Variants in CREB5 observed in about 807,000 individuals in gnomAD.
The protein encoded by CREB5 is cAMP responsive element binding protein 5.
CREB5 carries 19 observed loss-of-function variants against 57.1 expected under a neutral mutation model. The ratio of observed to expected loss-of-function variants is 0.33; its 90% CI spans 0.23 to 0.49. CREB5 has a LOEUF of 0.49. CREB5 is among the 20% of genes least tolerant of loss of function. CREB5 has a pLI of 0.99. For synonymous variants in CREB5, 238 were observed against 238.3 expected, an observed-to-expected ratio of 1.00 and a Z score of 0.01; for missense variants, 579 against 671.6, an observed-to-expected ratio of 0.86 and a Z score of 1.52.
intron 2 of CREB5, among the ~76,000 whole-genome samples, chr7:28,492,753 T>C (rs944297535): frequency 1.1e-4 from 16 of 148,618 alleles, no homozygotes; most frequent in African/African-American, 2.9e-4. Flanking sequence ...TAAAATATAG[T>C]GTATATATAA....
intron 7 of CREB5, among the ~76,000 whole-genome samples, chr7:28,779,481 C>G (rs1022840575): frequency 1.3e-5 from 2 of 152,166 alleles, no homozygotes; most frequent in Admixed American, 1.3e-4. Flanking sequence ...CATGCTGCCT[C>G]CCTCATCCAG....
At chr7:28,395,484 C>G (rs1050499981) in intron 1 of CREB5, among the ~76,000 whole-genome samples, 3 of 152,164 alleles carry the variant, frequency 2.0e-5, no homozygotes, top group African/African-American at 7.2e-5. Context: ...CACGATACAG[C>G]CTTAGTGCAT....
chr7:28,765,186 C>T (rs1349678747), intron 7 of CREB5, among the ~76,000 whole-genome samples: 2 of 152,264 alleles, frequency 1.3e-5, no homozygotes, highest in East Asian at 1.9e-4. Flanking sequence ...TGTGATCATA[C>T]GTGTCATGAT....
chr7:28,628,728 C>G (rs901039106), intron 5 of CREB5, among the ~76,000 whole-genome samples: 9 of 152,134 alleles, frequency 5.9e-5, no homozygotes, highest in Admixed American at 1.3e-4. Flanking sequence ...TTTCATGTAA[C>G]ATTTATCTGG....
intron 5 of CREB5, among the ~76,000 whole-genome samples, chr7:28,695,436 T>A (rs749398285): frequency 7.2e-5 from 11 of 151,914 alleles, no homozygotes; most frequent in Non-Finnish European, 1.5e-4. Context: ...CTGGGGATGG[T>A]GGGGTGGGAG....
intron 1 of CREB5, among the ~76,000 whole-genome samples, chr7:28,456,854 G>A (rs1324250695): frequency 1.3e-5 from 2 of 152,206 alleles, no homozygotes; most frequent in African/African-American, 4.8e-5. Flanking sequence ...GCCAGAACAA[G>A]GGTAAAGCTG....
rs77493537 is a variant in CREB5 at position 28,539,399 on chromosome 7, T to C, written c.292-30966T>C. Among the ~76,000 whole-genome samples, 13 of 152,336 alleles carry C rather than the reference T, an allele frequency of 8.5e-5. No homozygotes were observed. In the East Asian group the frequency reaches 2.5e-3, roughly 29 times the overall value. ...GCCTATGTCTTAAATATCACTTAAGTATCACAGAATTTCCAAGACACTGTA... is the reference window on the plus strand; with the variant it reads ...GCCTATGTCTTAAATATCACTTAAGCATCACAGAATTTCCAAGACACTGTA... On this transcript the variant is annotated intron_variant, in intron 4 of 10. Coordinates refer to ENST00000357727, the MANE Select transcript of CREB5 (RefSeq NM_182898.4).
chr7:28,410,551 GCCCTAGA>G, upstream of CREB5: 1 of 456,660 alleles, frequency 2.2e-6, no homozygotes, highest in Non-Finnish European at 4.4e-6. Flanking sequence ...GGTAGATAAA[GCCCTAGA>G]CCTTGTCCAC....
chr7:28,582,930 G>A (rs966547558), intron 5 of CREB5, among the ~76,000 whole-genome samples: 5 of 152,088 alleles, frequency 3.3e-5, no homozygotes. Context: ...TAAATAGCAG[G>A]CAGATCCCAG....
intron 5 of CREB5, among the ~76,000 whole-genome samples, chr7:28,658,622 C>T (rs889012897): frequency 1.1e-4 from 16 of 152,282 alleles, no homozygotes; most frequent in African/African-American, 3.6e-4. Context: ...AAATAGACAG[C>T]TCACTGAGGC....
chr7:28,501,217 A>C (rs565391072), intron 3 of CREB5, among the ~76,000 whole-genome samples: 5 of 152,318 alleles, frequency 3.3e-5, no homozygotes, highest in African/African-American at 1.2e-4. Context: ...TTGGATATAA[A>C]TCTCTGAACT....
intron 1 of CREB5, among the ~76,000 whole-genome samples, chr7:28,464,496 CGTGTGT>C (rs71555745): frequency 0.036 from 5,023 of 139,604 alleles, 117 homozygotes; most frequent in South Asian, 0.1. Flanking sequence ...TGGAAAGTTG[CGTGTGT>C]GTGTGTGTGT....
intron 5 of CREB5, among the ~76,000 whole-genome samples, chr7:28,575,622 C>A (rs563581004): frequency 8.5e-4 from 129 of 152,334 alleles, no homozygotes; most frequent in African/African-American, 3.0e-3. Flanking sequence ...CACTGGTCCT[C>A]AGCCCTTAGC....
chr7:28,507,447 C>T (rs142427668), intron 3 of CREB5, among the ~76,000 whole-genome samples, 169 bp from the exon 4 acceptor site: 6 of 152,246 alleles, frequency 3.9e-5, no homozygotes, highest in Admixed American at 1.3e-4. Context: ...TCGGAATTTA[C>T]GGTTTTATTT....
chr7:28,308,584 G>A (rs143597686), intron 1 of CREB5, among the ~76,000 whole-genome samples: 83 of 152,290 alleles, frequency 5.5e-4, no homozygotes, highest in Non-Finnish European at 1.1e-3. Flanking sequence ...TTCCGGTATT[G>A]TGTGCTGGTG....
chr7:28,709,514 A>G (rs1249545115), intron 5 of CREB5, among the ~76,000 whole-genome samples: 1 of 152,098 alleles, frequency 6.6e-6, no homozygotes, highest in African/African-American at 2.4e-5. Flanking sequence ...CTCCCCTCCT[A>G]TTACTGCTCT....
intron 9 of CREB5, 110 bp from the exon 10 acceptor site, chr7:28,817,961 C>A: frequency 1.4e-6 from 1 of 697,486 alleles, no homozygotes; most frequent in South Asian, 2.0e-5. Flanking sequence ...TTCTTAATGT[C>A]ATTTAGACAT....
At chr7:28,672,782 C>T (rs759588958) in intron 5 of CREB5, among the ~76,000 whole-genome samples, 1 of 152,188 alleles carries the variant, frequency 6.6e-6, no homozygotes, top group Non-Finnish European at 1.5e-5. Flanking sequence ...AGCAAGCAAG[C>T]AGCTTAACTT....
intron 5 of CREB5, among the ~76,000 whole-genome samples, chr7:28,665,371 A>G (rs1456631608): frequency 6.6e-6 from 1 of 152,066 alleles, no homozygotes; most frequent in African/African-American, 2.4e-5. Context: ...AGAAACATCT[A>G]CCTCCCTTCC....
Sources: gnomAD v4.1 joint callset for allele counts (sites outside exome capture counted in the v4.1 genomes callset) on GRCh38, gnomAD v4.1.1 for gene constraint, MANE v1.5 for transcripts, NCBI Gene and HGNC (gene_info 2026-07-23, HGNC 2026-07-21) for gene names.